ICAM1: variants seen among roughly 807,000 people sequenced by gnomAD.
ICAM1 encodes ICAM-1.
Under a neutral mutation model 42.3 loss-of-function variants are expected in ICAM1, and 28 were observed. The observed-to-expected ratio is 0.66, with a 90% CI of 0.49 to 0.91. The LOEUF is 0.91. Ranked by LOEUF, ICAM1 falls within the 40% of genes least tolerant of loss-of-function variation. ICAM1 has a pLI of 0.00. For synonymous variants in ICAM1, 304 were observed against 305.9 expected (o/e 0.99, Z 0.07); for missense variants, 637 against 688.6 (o/e 0.93, Z 0.84).
intron 1 of ICAM1, among the ~76,000 whole-genome samples, chr19:10,274,314 T>A (rs1288373000): frequency 1.5e-4 from 21 of 141,910 alleles, no homozygotes; most frequent in African/African-American, 5.2e-4. Flanking sequence ...TGCTCATAAT[T>A]TTTTTTTTTT....
chr19:10,285,807 T>TA lies in ICAM1; in HGVS notation c.*521dup, dbSNP rs1291945337. On this transcript the variant is annotated 3_prime_UTR_variant, in exon 7 of 7. Coordinates refer to ENST00000264832, the MANE Select transcript of ICAM1 (RefSeq NM_000201.3). Reference sequence around the variant, plus strand: ...ATATGTATTTATTCATTTGTTATTTTACCAGCTATTTATTGAGTGTCTTTT... The same window carrying TA: ...ATATGTATTTATTCATTTGTTATTTTAACCAGCTATTTATTGAGTGTCTTTT... 1 of 159,364 alleles carries TA rather than the reference T, an allele frequency of 6.3e-6. No homozygotes were observed. The highest frequency in any genetic ancestry group is 1.4e-5 in the Non-Finnish European group (1 of 71,654). 9.9% of individuals were successfully genotyped at this position (159,364 alleles called of 1,614,324 possible). A position where few individuals can be genotyped will look rare whatever the true frequency, so the allele number is the denominator to read the frequency against.
chr19:10,278,236 T>C (rs894928604), intron 2 of ICAM1, among the ~76,000 whole-genome samples: 1 of 152,120 alleles, frequency 6.6e-6, no homozygotes, highest in Non-Finnish European at 1.5e-5. Context: ...GGGATTAGCC[T>C]TGGGTTCCAG....
Position 10,284,160 on chromosome 19 carries a change from G to T in ICAM1, c.765G>T (p.Gly255=). The change falls in exon 4 of 7, where the codon GGG becomes GGT. Residue 255 remains glycine, a synonymous_variant. Coordinates refer to ENST00000264832, the MANE Select transcript of ICAM1 (RefSeq NM_000201.3). The surrounding 1 kb of genome is among the most constrained non-coding windows in gnomAD (Gnocchi z 5.4). ...VSEAQVHLAL[G]DQRLNPTVTY... ...AGGCCCAGGTCCACCTGGCACTGGG[G>T]GACCAGAGGTTGAACCCCACAGTCA... is the stretch of plus-strand genomic sequence containing the variant. 1 of 1,614,078 alleles carries T rather than the reference G, an allele frequency of 6.2e-7. No individual in the cohort carries two copies.
intron 2 of ICAM1, among the ~76,000 whole-genome samples, chr19:10,277,575 C>G (rs1263564802): frequency 6.6e-6 from 1 of 152,004 alleles, no homozygotes; most frequent in East Asian, 1.9e-4. Flanking sequence ...GCAACCTCTC[C>G]CTCCCGGGTT....
At position 10,285,113 on chromosome 19, in the gene ICAM1, A is replaced by G; in HGVS notation, c.1427-2A>G. The G allele has an allele frequency of 6.2e-7, 1 of 1,614,050 alleles. No individual in the cohort carries two copies. On this transcript the variant is annotated splice_acceptor_variant, in intron 6 of 6. Transcript: ENST00000264832. LOFTEE classifies it high-confidence loss of function. ...TCACCGCCTGTTGTATCCTCCCCAC[A>G]GCCCCCCGGTATGAGATTGTCATCA... is the stretch of plus-strand genomic sequence containing the variant.
chr19:10,275,080 G>A (rs371228673), intron 2 of ICAM1, 52 bp downstream of exon 2: 23 of 1,578,242 alleles, frequency 1.5e-5, no homozygotes, highest in Middle Eastern at 1.9e-4. Context: ...TGGGAGAGAC[G>A]TGCAGGGGCA....
intron 1 of ICAM1, among the ~76,000 whole-genome samples, chr19:10,272,715 G>GCACA (rs2039991344): frequency 6.6e-6 from 1 of 151,778 alleles, no homozygotes; most frequent in Admixed American, 6.6e-5. Context: ...ACAGGCATGT[G>GCACA]CCATCACACC....
chr19:10,272,317 CCA>C (rs906299815), intron 1 of ICAM1, among the ~76,000 whole-genome samples: 2 of 152,064 alleles, frequency 1.3e-5, no homozygotes, highest in African/African-American at 2.4e-5. Context: ...GGACTCAGAC[CCA>C]GATCGCACTG....
intron 1 of ICAM1, 139 bp downstream of exon 1, chr19:10,271,365 G>A: frequency 1.4e-6 from 1 of 697,440 alleles, no homozygotes. Context: ...GCAACAGCCA[G>A]TAGGTTCGAA....
At chr19:10,278,548 C>T (rs1397897893) in intron 2 of ICAM1, among the ~76,000 whole-genome samples, 658 of 41,344 alleles carry the variant, frequency 0.016, no homozygotes, top group Middle Eastern at 0.045. Context: ...CCTGATAGGT[C>T]TTTTTTTTTT....
At chr19:10,283,369 C>G (rs564338840) in intron 2 of ICAM1, 112 bp from the exon 3 acceptor site, 1 of 1,015,382 alleles carries the variant, frequency 9.8e-7, no homozygotes, top group Non-Finnish European at 1.4e-6. Context: ...GGTGTCTGGG[C>G]GTGTTTGGGG....
At chr19:10,273,840 C>A (rs955327049) in intron 1 of ICAM1, among the ~76,000 whole-genome samples, 2 of 151,828 alleles carry the variant, frequency 1.3e-5, no homozygotes, top group African/African-American at 4.8e-5. Context: ...GTGGCGAAAC[C>A]CCGTCTCTAT....
In ICAM1 at chr19:10,284,249, C is replaced by T. The variant is rs1294424687; in HGVS notation, c.854C>T (p.Thr285Ile). The T allele has an allele frequency of 1.2e-6, 2 of 1,613,880 alleles. No individual in the cohort carries two copies. Among genetic ancestry groups the T allele is most frequent in the African/African-American group, 1.3e-5 (1 of 74,918 alleles). Residue 285 changes from threonine to isoleucine, a missense_variant, in exon 4 of 7, where the codon ACC (threonine) becomes ATC (isoleucine). Thr to Ile is a moderately conservative substitution (Grantham distance 89). Transcript: ENST00000264832. The surrounding 1 kb of genome is among the most constrained non-coding windows in gnomAD (Gnocchi z 5.4). ...AGTGTGACCGCAGAGGACGAGGGCACCCAGCGGCTGACGTGTGCAGTAATA... is the reference window on the plus strand; with the variant it reads ...AGTGTGACCGCAGAGGACGAGGGCATCCAGCGGCTGACGTGTGCAGTAATA... ...SVSVTAEDEG[T>I]QRLTCAVILG...
Position 10,275,032 on chromosome 19 carries a change from A to G in ICAM1, c.331+4A>G, listed in dbSNP as rs1442684413. The G allele has an allele frequency of 6.2e-7, 1 of 1,612,986 alleles. No individual in the cohort carries two copies. The highest frequency in any genetic ancestry group is 1.3e-5 in the African/African-American group (1 of 75,036). On this transcript the variant is annotated splice_donor_region_variant and intron_variant, in intron 2 of 6. Coordinates refer to ENST00000264832, the MANE Select transcript of ICAM1 (RefSeq NM_000201.3). Reference sequence around the variant, plus strand: ...AAAACCTTCCTCACCGTGTACTGTGAGTAACTGAGCCCGGAGGGCTGGACT... The same window carrying G: ...AAAACCTTCCTCACCGTGTACTGTGGGTAACTGAGCCCGGAGGGCTGGACT...
intron 2 of ICAM1, among the ~76,000 whole-genome samples, chr19:10,281,018 C>T (rs1465285361): frequency 2.0e-5 from 3 of 150,518 alleles, no homozygotes; most frequent in Admixed American, 6.7e-5. Flanking sequence ...GGACTACAGG[C>T]GCCCACCACC....
intron 2 of ICAM1, among the ~76,000 whole-genome samples, chr19:10,276,940 A>G (rs1045614393): frequency 6.7e-6 from 1 of 149,308 alleles, no homozygotes; most frequent in Non-Finnish European, 1.5e-5. Context: ...GCGCCACTGC[A>G]CTCCAGCTTG....
intron 2 of ICAM1, among the ~76,000 whole-genome samples, chr19:10,280,251 A>G (rs918093603): frequency 1.3e-5 from 2 of 152,206 alleles, no homozygotes; most frequent in African/African-American, 2.4e-5. Context: ...GTTTGAGGGT[A>G]CCTCAAGTTC....
chr19:10,280,562 T>C (rs2040048842), intron 2 of ICAM1, among the ~76,000 whole-genome samples: 2 of 151,354 alleles, frequency 1.3e-5, no homozygotes, highest in Non-Finnish European at 2.9e-5. Flanking sequence ...TTTTTTTTCT[T>C]TGGTGTTTTT....
intron 1 of ICAM1, among the ~76,000 whole-genome samples, chr19:10,273,317 A>G (rs988231526): frequency 2.6e-5 from 4 of 151,612 alleles, no homozygotes; most frequent in Non-Finnish European, 5.9e-5. Context: ...ACATGGAGAA[A>G]CCCCGTCTCT....
Sources: gnomAD v4.1 joint callset for allele counts (sites outside exome capture counted in the v4.1 genomes callset) on GRCh38, gnomAD v4.1.1 for gene constraint, Gnocchi (gnomAD v3.1) non-coding constraint, MANE v1.5 for transcripts, NCBI Gene and HGNC (gene_info 2026-07-23, HGNC 2026-07-21) for gene names.